FBXW11: variants seen among roughly 807,000 people sequenced by gnomAD.
The protein encoded by FBXW11 is F-box/WD repeat-containing protein 11.
Under a neutral mutation model 77.6 loss-of-function variants are expected in FBXW11, and 19 were observed. That is an observed-to-expected ratio of 0.24 (90% confidence interval 0.17 to 0.36). FBXW11 has a LOEUF of 0.36. Ranked by LOEUF, FBXW11 falls within the 10% of genes least tolerant of loss-of-function variation. FBXW11 has a pLI of 1.00. For synonymous variants in FBXW11, 235 were observed against 249.4 expected (o/e 0.94, Z 0.54); for missense variants, 334 against 704.2 (o/e 0.47, Z 5.95).
chr5:172,002,411 T>C (rs1766460064), intron 1 of FBXW11, among the ~76,000 whole-genome samples: 1 of 146,976 alleles, frequency 6.8e-6, no homozygotes, highest in Non-Finnish European at 1.5e-5. Context: ...ATATTTTATA[T>C]AAATGTGTGT....
intron 1 of FBXW11, among the ~76,000 whole-genome samples, chr5:171,974,576 G>C (rs961286915): frequency 1.3e-5 from 2 of 151,712 alleles, no homozygotes; most frequent in African/African-American, 2.4e-5. Context: ...ACAGGAAGAA[G>C]CCGAGCATAA....
chr5:171,975,000 G>A (rs1764747887), intron 1 of FBXW11, among the ~76,000 whole-genome samples: 2 of 151,944 alleles, frequency 1.3e-5, no homozygotes, highest in South Asian at 4.2e-4. Context: ...CACTGTGTTG[G>A]TCAGGCTAGT....
At chr5:171,892,034 G>A (rs940260414) in intron 6 of FBXW11, among the ~76,000 whole-genome samples, 1 of 152,208 alleles carries the variant, frequency 6.6e-6, no homozygotes, top group African/African-American at 2.4e-5. Flanking sequence ...AAGATAGTGA[G>A]CAACTACTAT....
chr5:171,992,498 AAGAG>A, intron 1 of FBXW11, among the ~76,000 whole-genome samples: 3 of 151,996 alleles, frequency 2.0e-5, no homozygotes, highest in African/African-American at 4.8e-5. Flanking sequence ...GAAGAAAGAA[AAGAG>A]AGAGAAAGAA....
intron 6 of FBXW11, among the ~76,000 whole-genome samples, chr5:171,892,608 G>C (rs142578519): frequency 6.6e-6 from 1 of 152,228 alleles, no homozygotes; most frequent in African/African-American, 2.4e-5. Flanking sequence ...ACTTAAGGGA[G>C]ATAATGAGCT....
intron 1 of FBXW11, among the ~76,000 whole-genome samples, chr5:171,963,434 G>A (rs967251399): frequency 6.6e-6 from 1 of 152,134 alleles, no homozygotes; most frequent in African/African-American, 2.4e-5. Context: ...GATGAGAAAG[G>A]CTTAATTAGA....
At chr5:171,866,859 G>A (rs1378544305) in intron 13 of FBXW11, among the ~76,000 whole-genome samples, 3 of 152,104 alleles carry the variant, frequency 2.0e-5, no homozygotes, top group Non-Finnish European at 2.9e-5. Context: ...ATTCTGCCAC[G>A]TGGATTTTTC....
At chr5:171,969,150 C>T (rs1278696801) in intron 1 of FBXW11, among the ~76,000 whole-genome samples, 2 of 152,120 alleles carry the variant, frequency 1.3e-5, no homozygotes, top group East Asian at 3.9e-4. Context: ...TGCCTGTAAC[C>T]CCAGGTGCTC....
At chr5:171,941,219 A>T (rs75797541) in intron 2 of FBXW11, among the ~76,000 whole-genome samples, 4,530 of 152,294 alleles carry the variant, frequency 0.03, 96 homozygotes, top group Middle Eastern at 0.058. Flanking sequence ...ATTATGTACT[A>T]CCTGAGAGGA....
intron 1 of FBXW11, among the ~76,000 whole-genome samples, chr5:171,981,875 TACA>T (rs1260084983): frequency 2.0e-5 from 3 of 152,212 alleles, no homozygotes; most frequent in East Asian, 3.8e-4. Flanking sequence ...AATGAACTGA[TACA>T]ACAAGAATGA....
At chr5:171,913,807 C>CCACACACACATACACACACA (rs1267050083) in intron 3 of FBXW11, among the ~76,000 whole-genome samples, 6 of 97,908 alleles carry the variant, frequency 6.1e-5, no homozygotes, top group East Asian at 5.7e-4. Context: ...AAACCCCCAA[C>CCACACACACATACACACACA]CACACACACA....
In FBXW11 at chr5:171,863,998, T is replaced by A. The variant is rs1280844335; in HGVS notation, c.*129A>T. 6.6e-6 allele frequency: 1 copy of A among 152,154 alleles called. No individual in the cohort carries two copies. Among genetic ancestry groups the A allele is most frequent in the Non-Finnish European group, 1.5e-5 (1 of 68,032 alleles). 9.4% of individuals were successfully genotyped at this position (152,154 alleles called of 1,614,324 possible). A position where few individuals can be genotyped will look rare whatever the true frequency, so the allele number is the denominator to read the frequency against. The stretch of plus-strand genomic sequence containing the variant: ...ACTTGAAGAGTTAGGCTGCTTTGCA[T>A]CTACCCAGCGTCTAGAACCAATTCC... On this transcript the variant is annotated 3_prime_UTR_variant, in exon 14 of 14. Transcript: ENST00000517395.
At chr5:171,893,717 G>A (rs1043924004) in intron 6 of FBXW11, among the ~76,000 whole-genome samples, 58 of 152,218 alleles carry the variant, frequency 3.8e-4, no homozygotes, top group Admixed American at 5.2e-4. Flanking sequence ...CAATGTTCAC[G>A]TTATACCCTC....
At chr5:171,921,903 T>C (rs955467524) in intron 2 of FBXW11, among the ~76,000 whole-genome samples, 1 of 152,200 alleles carries the variant, frequency 6.6e-6, no homozygotes, top group South Asian at 2.1e-4. Context: ...AACACCCAAC[T>C]AATTTTTTAA....
intron 2 of FBXW11, among the ~76,000 whole-genome samples, chr5:171,923,498 TAG>T (rs1179484499): frequency 2.0e-5 from 3 of 152,238 alleles, no homozygotes; most frequent in African/African-American, 7.2e-5. Context: ...CTTCCACACC[TAG>T]GTTTTATTTT....
intron 1 of FBXW11, among the ~76,000 whole-genome samples, chr5:172,002,233 T>C (rs1389175364): frequency 6.6e-6 from 1 of 152,178 alleles, no homozygotes; most frequent in Non-Finnish European, 1.5e-5. Context: ...AGCTCCCTAT[T>C]TGCAGGAGAC....
chr5:171,879,092 G>C (rs2065033475), intron 7 of FBXW11, among the ~76,000 whole-genome samples: 1 of 152,156 alleles, frequency 6.6e-6, no homozygotes, highest in Non-Finnish European at 1.5e-5. Context: ...AGGATTAAAG[G>C]AGGTAAAATG....
intron 1 of FBXW11, among the ~76,000 whole-genome samples, chr5:171,976,326 T>G (rs919446356): frequency 7.2e-5 from 11 of 151,900 alleles, no homozygotes; most frequent in African/African-American, 2.7e-4. Flanking sequence ...ACACCAAGAG[T>G]TTAAGTAGCA....
intron 1 of FBXW11, among the ~76,000 whole-genome samples, chr5:171,958,487 T>C (rs1181625364): frequency 6.6e-6 from 1 of 152,160 alleles, no homozygotes; most frequent in African/African-American, 2.4e-5. Context: ...CATCTCCACC[T>C]TCCCAAAGGA....
Sources: allele counts gnomAD v4.1 joint callset (sites outside exome capture counted in the v4.1 genomes callset), GRCh38; gene constraint gnomAD v4.1.1; transcripts MANE v1.5; gene names NCBI Gene and HGNC (gene_info 2026-07-23, HGNC 2026-07-21).